Variants in RGL1 observed in about 807,000 individuals in gnomAD.
The protein encoded by RGL1 is ral guanine nucleotide dissociation stimulator-like 1.
Under a neutral mutation model 95.2 loss-of-function variants are expected in RGL1, and 24 were observed. That is an observed-to-expected ratio of 0.25 (90% confidence interval 0.18 to 0.35). The LOEUF (loss-of-function observed/expected upper bound fraction) is 0.35. Among genes scored for constraint, RGL1 ranks in the 10% least tolerant of loss-of-function variants. The pLI is 1.00. For missense variants in RGL1, 715 were observed against 936.3 expected, an observed-to-expected ratio of 0.76 and a Z score of 3.08; for synonymous variants, 329 against 344.9, an observed-to-expected ratio of 0.95 and a Z score of 0.51.
intron 2 of RGL1, among the ~76,000 whole-genome samples, chr1:183,789,208 C>T (rs908062611): frequency 1.3e-5 from 2 of 152,158 alleles, no homozygotes. Context: ...CTTTGGGAGG[C>T]CGAGGCGGGT....
intron 2 of RGL1, among the ~76,000 whole-genome samples, chr1:183,827,819 T>G (rs1164834675): frequency 6.6e-6 from 1 of 152,256 alleles, no homozygotes; most frequent in African/African-American, 2.4e-5. Flanking sequence ...TGGTAGTGAC[T>G]GAGAAAAACT....
chr1:183,874,922 C>T (rs1199154726), intron 4 of RGL1, among the ~76,000 whole-genome samples: 2 of 152,134 alleles, frequency 1.3e-5, no homozygotes, highest in East Asian at 3.9e-4. Flanking sequence ...GGCCCAGAGT[C>T]AGGGTCAAGG....
At chr1:183,742,913 T>G (rs898756462) in intron 2 of RGL1, among the ~76,000 whole-genome samples, 8 of 152,190 alleles carry the variant, frequency 5.3e-5, no homozygotes, top group Non-Finnish European at 1.2e-4. Flanking sequence ...GAAAAGAGAA[T>G]GGAGTTATTA....
At chr1:183,750,508 C>A (rs1657923937) in intron 2 of RGL1, among the ~76,000 whole-genome samples, 2 of 152,180 alleles carry the variant, frequency 1.3e-5, no homozygotes, top group African/African-American at 4.8e-5. Flanking sequence ...TTAGAACATG[C>A]CCCTTTAGCT....
At chr1:183,863,128 T>C (rs1463339614) in intron 3 of RGL1, among the ~76,000 whole-genome samples, 1 of 151,600 alleles carries the variant, frequency 6.6e-6, no homozygotes, top group East Asian at 1.9e-4. Context: ...GCCCAGTGTG[T>C]GGGTGGAGCA....
chr1:183,851,245 G>T (rs973880191), intron 3 of RGL1, among the ~76,000 whole-genome samples: 23 of 152,228 alleles, frequency 1.5e-4, no homozygotes, highest in Middle Eastern at 3.4e-3. Flanking sequence ...CAGATCCTTT[G>T]CTTGCTTCTG....
intron 3 of RGL1, among the ~76,000 whole-genome samples, chr1:183,864,501 A>G (rs1056171658): frequency 6.6e-6 from 1 of 152,240 alleles, no homozygotes; most frequent in African/African-American, 2.4e-5. Flanking sequence ...GTACGAGGAC[A>G]TAGTTTGCTA....
At chr1:183,691,579 G>A (rs975909102) in intron 1 of RGL1, among the ~76,000 whole-genome samples, 1 of 152,258 alleles carries the variant, frequency 6.6e-6, no homozygotes, top group East Asian at 1.9e-4. Flanking sequence ...TTATGCAAAC[G>A]AATAATACAA....
At chr1:183,844,262 C>T (rs73047517) in intron 2 of RGL1, among the ~76,000 whole-genome samples, 4,811 of 152,230 alleles carry the variant, frequency 0.032, 276 homozygotes, top group African/African-American at 0.11. Flanking sequence ...CAAAGGAATA[C>T]ACATTTGAAA....
intron 1 of RGL1, among the ~76,000 whole-genome samples, chr1:183,688,308 C>T (rs1653738823): frequency 6.6e-6 from 1 of 152,096 alleles, no homozygotes; most frequent in African/African-American, 2.4e-5. Context: ...AAATTACTTC[C>T]TTGGGAAATT....
At position 183,866,006 on chromosome 1, in the gene RGL1, C is replaced by G. The variant is rs1472637117; in HGVS notation, c.358C>G (p.Leu120Val). 2.5e-6 allele frequency: 4 copies of G among 1,613,724 alleles called. No homozygotes were observed. Among genetic ancestry groups the G allele is most frequent in the Non-Finnish European group, 3.4e-6 (4 of 1,179,718 alleles). The change falls in exon 4 of 18, where the codon CTG (leucine) becomes GTG (valine). Residue 120 changes from leucine to valine, a missense_variant. Physicochemically the swap from Leu to Val is conservative, Grantham distance 32. Around this residue, in one of 3 missense-constraint regions of RGL1, gnomAD observed 381 missense variants for 484.8 expected, o/e 0.79. Coordinates refer to ENST00000360851, the MANE Select transcript of RGL1 (RefSeq NM_001297671.3). ...TTATTATCTCTACAGGTATGGAAAC[C>G]TGACAAGCCCAAACTGTGAAGAAGA... ...LELLLDRYGNLTSPNCEEDGS... is the reference protein window; with the variant it reads ...LELLLDRYGNVTSPNCEEDGS...
intron 3 of RGL1, among the ~76,000 whole-genome samples, chr1:183,852,434 A>C (rs1664879109): frequency 6.6e-6 from 1 of 152,122 alleles, no homozygotes; most frequent in Non-Finnish European, 1.5e-5. Context: ...CTTTTAACCC[A>C]AGAGAAAGTT....
intron 1 of RGL1, among the ~76,000 whole-genome samples, chr1:183,717,022 T>C (rs1180818003): frequency 6.6e-6 from 1 of 152,190 alleles, no homozygotes; most frequent in Non-Finnish European, 1.5e-5. Context: ...GATTCATGGG[T>C]GGCAGTTTAC....
chr1:183,752,296 G>C (rs1658052363), intron 2 of RGL1, among the ~76,000 whole-genome samples: 1 of 151,796 alleles, frequency 6.6e-6, no homozygotes, highest in Non-Finnish European at 1.5e-5. Context: ...GCACAATTTG[G>C]GCTCACTGCA....
At chr1:183,675,003 C>T (rs1276489961) in intron 1 of RGL1, among the ~76,000 whole-genome samples, 1 of 152,206 alleles carries the variant, frequency 6.6e-6, no homozygotes, top group Non-Finnish European at 1.5e-5. Flanking sequence ...ATTGACCAAA[C>T]CCTGCTGAAA....
intron 1 of RGL1, among the ~76,000 whole-genome samples, chr1:183,728,994 A>G (rs533925052): frequency 5.9e-5 from 9 of 152,320 alleles, no homozygotes; most frequent in African/African-American, 1.2e-4. Flanking sequence ...TTAAATGTAA[A>G]TGCTAAAACT....
At chr1:183,873,039 G>A (rs1461423998) in intron 4 of RGL1, among the ~76,000 whole-genome samples, 4 of 152,132 alleles carry the variant, frequency 2.6e-5, no homozygotes, top group Non-Finnish European at 4.4e-5. Flanking sequence ...AGTTTTACAA[G>A]TCATTAGCAT....
chr1:183,916,301 G>T, intron 15 of RGL1, 146 bp from the exon 16 acceptor site: 1 of 951,970 alleles, frequency 1.1e-6, no homozygotes. Context: ...ACTTACACCA[G>T]GGATGAGACA....
intron 1 of RGL1, among the ~76,000 whole-genome samples, chr1:183,712,444 C>T (rs1330627524): frequency 6.6e-6 from 1 of 152,090 alleles, no homozygotes; most frequent in African/African-American, 2.4e-5. Context: ...AGGAACTCTT[C>T]GTGTGTGCTT....
Sources: gnomAD v4.1 joint callset for allele counts (sites outside exome capture counted in the v4.1 genomes callset) on GRCh38, gnomAD v4.1.1 for gene constraint, gnomAD v4.1.1 regional missense constraint, MANE v1.5 for transcripts, NCBI Gene and HGNC (gene_info 2026-07-23, HGNC 2026-07-21) for gene names.